The following CTNND2 variants were observed in gnomAD, a reference collection of about 807,000 sequenced individuals.
The protein encoded by CTNND2 is catenin delta 2.
In CTNND2, 22 loss-of-function variants were observed where a neutral mutation model predicts 144.4. The ratio of observed to expected loss-of-function variants is 0.15; its 90% CI spans 0.11 to 0.22. The LOEUF is 0.22. Among genes scored for constraint, CTNND2 ranks in the 10% least tolerant of loss-of-function variants. The pLI is 1.00. For missense variants in CTNND2, 1,353 were observed against 1,618.8 expected (o/e 0.84, Z 2.82); for synonymous variants, 751 against 695.6 (o/e 1.08, Z -1.25).
intron 16 of CTNND2, among the ~76,000 whole-genome samples, chr5:11,043,483 A>T (rs555595659): frequency 6.6e-6 from 1 of 152,332 alleles, no homozygotes; most frequent in Non-Finnish European, 1.5e-5. Context: ...AAAAAAAATC[A>T]GTAACTGTAT....
chr5:11,695,121 G>A (rs1160389793), intron 2 of CTNND2, among the ~76,000 whole-genome samples: 1 of 152,174 alleles, frequency 6.6e-6, no homozygotes, highest in South Asian at 2.1e-4. Context: ...TTCCATCAGG[G>A]TCTAGAGGAG....
intron 1 of CTNND2, among the ~76,000 whole-genome samples, chr5:11,747,674 C>G (rs982693056): frequency 2.6e-5 from 4 of 152,130 alleles, no homozygotes; most frequent in Admixed American, 2.6e-4. Context: ...AGCTTAGATT[C>G]CCTATTTAAT....
chr5:11,295,859 A>G (rs1748906496), intron 9 of CTNND2, among the ~76,000 whole-genome samples: 1 of 151,800 alleles, frequency 6.6e-6, no homozygotes, highest in Admixed American at 6.5e-5. Flanking sequence ...CTTACGTGTT[A>G]GACCTAAAGC....
At chr5:11,278,917 C>A (rs1212687936) in intron 9 of CTNND2, among the ~76,000 whole-genome samples, 1 of 152,134 alleles carries the variant, frequency 6.6e-6, no homozygotes, top group Non-Finnish European at 1.5e-5. Context: ...GTGATGGCAG[C>A]CCTGGGGCTC....
intron 9 of CTNND2, among the ~76,000 whole-genome samples, chr5:11,298,905 T>C (rs575893869): frequency 1.3e-5 from 2 of 152,304 alleles, no homozygotes; most frequent in South Asian, 4.1e-4. Flanking sequence ...TTATACTTGG[T>C]AAACACTTTA....
intron 9 of CTNND2, among the ~76,000 whole-genome samples, chr5:11,304,916 C>T (rs933109274): frequency 6.6e-6 from 1 of 152,008 alleles, no homozygotes; most frequent in Non-Finnish European, 1.5e-5. Flanking sequence ...AGCACGTTAT[C>T]CCAAGTTCCT....
At chr5:11,331,623 C>T (rs779695563) in intron 9 of CTNND2, among the ~76,000 whole-genome samples, 2 of 152,248 alleles carry the variant, frequency 1.3e-5, no homozygotes, top group East Asian at 3.9e-4. Context: ...GGGTCCAGAA[C>T]ATACCTGACT....
At chr5:11,422,541 A>G (rs40577) in intron 3 of CTNND2, among the ~76,000 whole-genome samples, 52,976 of 152,072 alleles carry the variant, frequency 0.35, 13,254 homozygotes, top group African/African-American at 0.72. Context: ...CAGCTCCCAC[A>G]CCACGGCCTG....
At chr5:11,171,476 A>C (rs80307130) in intron 11 of CTNND2, among the ~76,000 whole-genome samples, 2,372 of 152,272 alleles carry the variant, frequency 0.016, 27 homozygotes, top group Middle Eastern at 0.037. Flanking sequence ...CATTTCTATA[A>C]TTCTGAATGT....
At chr5:11,085,981 T>G (rs1439026216) in intron 15 of CTNND2, among the ~76,000 whole-genome samples, 4 of 152,028 alleles carry the variant, frequency 2.6e-5, no homozygotes, top group Non-Finnish European at 5.9e-5. Flanking sequence ...AACAGTGACA[T>G]GGCTTGCTGG....
At chr5:11,228,779 C>A (rs1199541285) in intron 10 of CTNND2, among the ~76,000 whole-genome samples, 49 of 152,174 alleles carry the variant, frequency 3.2e-4, no homozygotes, top group Non-Finnish European at 3.5e-4. Context: ...CACACCCGGC[C>A]AGATTCCTTA....
chr5:11,393,302 C>T (rs1759793881), intron 6 of CTNND2, among the ~76,000 whole-genome samples: 1 of 152,182 alleles, frequency 6.6e-6, no homozygotes, highest in African/African-American at 2.4e-5. Context: ...GGCCATTTCC[C>T]TAAGATTGCG....
At position 11,130,417 on chromosome 5, in the gene CTNND2, G is replaced by A. The variant is rs1040484056; in HGVS notation, c.2160-12850C>T. Among the ~76,000 whole-genome samples, 11 of 152,256 alleles carry A rather than the reference G, an allele frequency of 7.2e-5. No individual in the cohort carries two copies. The East Asian group carries it at 1.2e-3, about 16-fold the overall frequency. On this transcript the variant is annotated intron_variant, in intron 12 of 21. Transcript: ENST00000304623. ...ACATTGTTCCAGAGAAGCCCAGAGC[G>A]GAACCAGAAATACCTGAATTAAAAG...
At chr5:11,740,029 G>A (rs181987932) in intron 1 of CTNND2, among the ~76,000 whole-genome samples, 3 of 152,266 alleles carry the variant, frequency 2.0e-5, no homozygotes, top group South Asian at 2.1e-4. Context: ...ACTGCTCAAC[G>A]AAATAAAAGA....
At chr5:11,533,299 A>T (rs939495245) in intron 3 of CTNND2, among the ~76,000 whole-genome samples, 1 of 152,266 alleles carries the variant, frequency 6.6e-6, no homozygotes, top group Non-Finnish European at 1.5e-5. Flanking sequence ...ATCAGTTAAT[A>T]GGCTTCAACA....
intron 11 of CTNND2, among the ~76,000 whole-genome samples, chr5:11,162,168 C>A (rs1024477435): frequency 6.6e-6 from 1 of 151,860 alleles, no homozygotes. Flanking sequence ...AGCAAGCAAG[C>A]AAACAAACAA....
chr5:11,249,360 G>C (rs1743335617), intron 9 of CTNND2, among the ~76,000 whole-genome samples: 1 of 152,210 alleles, frequency 6.6e-6, no homozygotes, highest in Non-Finnish European at 1.5e-5. Flanking sequence ...GGACATATCA[G>C]TAAGAGGGCG....
intron 1 of CTNND2, among the ~76,000 whole-genome samples, chr5:11,856,609 G>A (rs1396478087): frequency 6.6e-6 from 1 of 152,160 alleles, no homozygotes; most frequent in Non-Finnish European, 1.5e-5. Context: ...GATAGAATAT[G>A]AAAGGGCATC....
At chr5:11,090,070 CT>C (rs1446216419) in intron 15 of CTNND2, among the ~76,000 whole-genome samples, 1 of 152,152 alleles carries the variant, frequency 6.6e-6, no homozygotes, top group Non-Finnish European at 1.5e-5. Context: ...GGAGTGTGTT[CT>C]AAAGCCAAAC....
Sources: allele counts gnomAD v4.1 joint callset (sites outside exome capture counted in the v4.1 genomes callset), GRCh38; gene constraint gnomAD v4.1.1; transcripts MANE v1.5; gene names NCBI Gene and HGNC (gene_info 2026-07-23, HGNC 2026-07-21).